The following SLC9C1 variants were observed in gnomAD, a reference collection of about 807,000 sequenced individuals.
SLC9C1 encodes solute carrier family 9 member C1.
Under a neutral mutation model 140.9 loss-of-function variants are expected in SLC9C1, and 97 were observed. The ratio of observed to expected loss-of-function variants is 0.69; its 90% CI spans 0.58 to 0.82. The LOEUF is 0.82. SLC9C1 is among the 40% of genes least tolerant of loss of function. The pLI, the probability that SLC9C1 is intolerant of heterozygous loss-of-function variation, is 0.00. For synonymous variants in SLC9C1, 440 were observed against 442.6 expected, an observed-to-expected ratio of 0.99 and a Z score of 0.07; for missense variants, 1,340 against 1,389.3, an observed-to-expected ratio of 0.96 and a Z score of 0.56.
intron 18 of SLC9C1, among the ~76,000 whole-genome samples, chr3:112,201,091 G>A (rs1182156023): frequency 6.6e-6 from 1 of 152,012 alleles, no homozygotes; most frequent in African/African-American, 2.4e-5. Context: ...GTCAAAGGGA[G>A]CTAAAATTTA....
At chr3:112,161,463 G>A (rs1302918653) in intron 26 of SLC9C1, among the ~76,000 whole-genome samples, 1 of 152,148 alleles carries the variant, frequency 6.6e-6, no homozygotes. Flanking sequence ...TGTAAGGAAG[G>A]GATCCAGTTT....
chr3:112,159,877 A>G (rs1354242551), intron 26 of SLC9C1, among the ~76,000 whole-genome samples: 1 of 151,914 alleles, frequency 6.6e-6, no homozygotes, highest in African/African-American at 2.4e-5. Flanking sequence ...ATATAAGTTT[A>G]GCTACTCTTC....
chr3:112,174,971 C>T (rs2077309352), intron 23 of SLC9C1, among the ~76,000 whole-genome samples: 1 of 152,114 alleles, frequency 6.6e-6, no homozygotes, highest in African/African-American at 2.4e-5. Flanking sequence ...CTGGACCAGC[C>T]TCTGGTCCCT....
At chr3:112,280,534 A>G in intron 3 of SLC9C1, 149 bp downstream of exon 3, 1 of 669,026 alleles carries the variant, frequency 1.5e-6, no homozygotes, top group Admixed American at 3.6e-5. Context: ...CTTTTTCTAC[A>G]TACCTGACGT....
intron 12 of SLC9C1, among the ~76,000 whole-genome samples, chr3:112,233,064 T>TA (rs1560101947): frequency 1.8e-5 from 1 of 57,064 alleles, no homozygotes; most frequent in African/African-American, 4.6e-5. Context: ...TATATATATA[T>TA]ATATTATATT....
intron 12 of SLC9C1, among the ~76,000 whole-genome samples, chr3:112,235,782 T>C (rs1419106387): frequency 2.0e-5 from 3 of 152,170 alleles, no homozygotes; most frequent in Non-Finnish European, 4.4e-5. Flanking sequence ...TATTGATTTG[T>C]GTATGTTGAA....
intron 10 of SLC9C1, among the ~76,000 whole-genome samples, chr3:112,254,234 G>A (rs988630157): frequency 6.6e-6 from 1 of 152,112 alleles, no homozygotes; most frequent in African/African-American, 2.4e-5. Flanking sequence ...AGGAAATACA[G>A]AGAACCCTTG....
At position 112,204,505 on chromosome 3, in the gene SLC9C1, A is replaced by G. The variant is rs1293293127; in HGVS notation, c.1987-102T>C. 13 of 1,231,450 alleles carry G rather than the reference A, an allele frequency of 1.1e-5. No homozygotes were observed. In the South Asian group the frequency reaches 2.0e-4, roughly 19 times the overall value. The allele number at this position is 1,231,450 out of a possible 1,614,324, so 76.3% of individuals were successfully genotyped here. ...ATCATGTTAGGCTTTTCTCTTATCT[A>G]CTCCACATGTATGAAATATCCTCAG... On this transcript the variant is annotated intron_variant, in intron 16 of 28. Coordinates refer to ENST00000305815, the MANE Select transcript of SLC9C1 (RefSeq NM_183061.3).
chr3:112,175,245 C>T (rs769406009), intron 23 of SLC9C1, among the ~76,000 whole-genome samples: 8 of 152,178 alleles, frequency 5.3e-5, no homozygotes, highest in Non-Finnish European at 8.8e-5. Context: ...CTAGTCACCT[C>T]GGACTTTCTA....
At chr3:112,206,925 C>T (rs2078069201) in intron 16 of SLC9C1, among the ~76,000 whole-genome samples, 2 of 152,060 alleles carry the variant, frequency 1.3e-5, no homozygotes, top group South Asian at 4.1e-4. Context: ...AGCAAACCAA[C>T]ATGGCACATG....
intron 3 of SLC9C1, among the ~76,000 whole-genome samples, chr3:112,279,836 C>T (rs560309014): frequency 3.1e-4 from 47 of 152,258 alleles, no homozygotes; most frequent in African/African-American, 1.1e-3. Flanking sequence ...TAATAAAACC[C>T]TTTTTCTCTG....
intron 10 of SLC9C1, among the ~76,000 whole-genome samples, chr3:112,253,413 T>C (rs1186410883): frequency 6.6e-6 from 1 of 152,098 alleles, no homozygotes; most frequent in Non-Finnish European, 1.5e-5. Flanking sequence ...TGTAAGGAAA[T>C]GTAGGGGAGC....
At chr3:112,200,617 T>G (rs1391696094) in intron 19 of SLC9C1, 94 bp downstream of exon 19, 6 of 1,107,574 alleles carry the variant, frequency 5.4e-6, no homozygotes, top group African/African-American at 1.6e-5. Flanking sequence ...TGAGTAGGTT[T>G]CCTCAAAGAT....
chr3:112,168,322 TACACACACACAC>T (rs56965031), intron 25 of SLC9C1, among the ~76,000 whole-genome samples: 59 of 133,832 alleles, frequency 4.4e-4, no homozygotes, highest in South Asian at 1.8e-3. Flanking sequence ...CACAAAACAA[TACACACACACAC>T]ACACACACAC....
intron 25 of SLC9C1, among the ~76,000 whole-genome samples, chr3:112,167,668 T>C (rs1035805497): frequency 6.6e-6 from 1 of 151,588 alleles, no homozygotes; most frequent in Admixed American, 6.6e-5. Context: ...ATGAAAAGAG[T>C]ATTTCAAAAT....
In SLC9C1 at chr3:112,277,823, T is replaced by C; in HGVS notation, c.356A>G (p.Tyr119Cys). 6.2e-7 allele frequency: 1 copy of C among 1,602,728 alleles called. No homozygotes were observed. The highest frequency in any genetic ancestry group is 8.5e-7 in the Non-Finnish European group (1 of 1,176,800). ...TGCCAGATGCCAAAGAACTAAGATA[T>C]AATTAACCAAAAAGCCGGGAATTGA... The part of the protein sequence containing the change: ...LISIPGFLVN[Y>C]ILVLWHLASV... Residue 119 changes from tyrosine (Y) to cysteine (C), a missense_variant, in exon 5 of 29, where the codon TAT becomes TGT. Physicochemically the swap from Tyr to Cys is radical, Grantham distance 194. Transcript: ENST00000305815.
Position 112,204,357 on chromosome 3 carries a change from A to G in SLC9C1, c.2033T>C (p.Phe678Ser). ...KDFFSHAWNI[F>S]ELAITLIGIL... is the part of the protein sequence containing the mutation. ...GCCAATTAATGTAATTGCTAACTCG[A>G]ATATGTTCCAGGCATGTGAAAAAAA... The change falls in exon 17 of 29, where the codon TTC (phenylalanine) becomes TCC (serine). Residue 678 changes from phenylalanine (F) to serine (S), a missense_variant. Coordinates refer to ENST00000305815, the MANE Select transcript of SLC9C1 (RefSeq NM_183061.3). 1 of 1,573,542 alleles carries G rather than the reference A, an allele frequency of 6.4e-7. No individual in the cohort carries two copies. Among genetic ancestry groups the G allele is most frequent in the South Asian group, 1.2e-5 (1 of 81,590 alleles).
At chr3:112,221,384 G>C (rs544126302) in intron 13 of SLC9C1, among the ~76,000 whole-genome samples, 159 bp from the exon 14 acceptor site, 3 of 152,272 alleles carry the variant, frequency 2.0e-5, no homozygotes, top group Non-Finnish European at 4.4e-5. Flanking sequence ...AAGATTACTG[G>C]ATAAGGTAGG....
chr3:112,210,161 T>G (rs2078163295), intron 15 of SLC9C1, among the ~76,000 whole-genome samples: 1 of 152,206 alleles, frequency 6.6e-6, no homozygotes, highest in South Asian at 2.1e-4. Flanking sequence ...ATTTTGCCCC[T>G]GGGATATGCC....
Sources: gnomAD v4.1 joint callset for allele counts (sites outside exome capture counted in the v4.1 genomes callset) on GRCh38, gnomAD v4.1.1 for gene constraint, MANE v1.5 for transcripts, NCBI Gene and HGNC (gene_info 2026-07-23, HGNC 2026-07-21) for gene names.